The following KCNMA1 variants were observed in gnomAD, a reference collection of about 807,000 sequenced individuals.
The protein encoded by KCNMA1 is potassium calcium-activated channel subfamily M alpha 1.
KCNMA1 carries 29 observed loss-of-function variants against 140.0 expected under a neutral mutation model. That is an observed-to-expected ratio of 0.21 (90% CI 0.15 to 0.28). KCNMA1 has a LOEUF of 0.28. Ranked by LOEUF, KCNMA1 falls within the 10% of genes least tolerant of loss-of-function variation. The pLI is 1.00. For synonymous variants in KCNMA1, 612 were observed against 611.9 expected, an observed-to-expected ratio of 1.00 and a Z score of 0.00; for missense variants, 880 against 1,602.2, an observed-to-expected ratio of 0.55 and a Z score of 7.70.
chr10:77,335,654 G>A lies in KCNMA1; in HGVS notation c.540+68208C>T, dbSNP rs532571443. On this transcript the variant is annotated intron_variant, in intron 2 of 27. Transcript: ENST00000286628. ...GCAGAGTGGAGGAGAGGAAAGAGTG[G>A]CCAGTTGGCTATGATGCCATTAACC... 2.6e-5 allele frequency among the ~76,000 whole-genome samples: 4 copies of A among 151,946 alleles called. No homozygotes were observed. In the South Asian group the frequency reaches 8.3e-4, roughly 32 times the overall value.
At chr10:77,445,810 G>T (rs1279428366) in intron 1 of KCNMA1, among the ~76,000 whole-genome samples, 1 of 152,198 alleles carries the variant, frequency 6.6e-6, no homozygotes, top group Non-Finnish European at 1.5e-5. Flanking sequence ...GCAAACAGGC[G>T]ATGGGGCCGC....
At chr10:77,510,457 G>A (rs2047956158) in intron 1 of KCNMA1, among the ~76,000 whole-genome samples, 1 of 152,090 alleles carries the variant, frequency 6.6e-6, no homozygotes, top group Admixed American at 6.5e-5. Flanking sequence ...ATGGAGTGCA[G>A]GTTTCTCAAA....
intron 2 of KCNMA1, among the ~76,000 whole-genome samples, chr10:77,347,733 T>C (rs979296898): frequency 6.6e-6 from 1 of 152,160 alleles, no homozygotes; most frequent in African/African-American, 2.4e-5. Context: ...CCATGCTCTA[T>C]GACATGATAA....
intron 2 of KCNMA1, among the ~76,000 whole-genome samples, chr10:77,288,493 T>C (rs953999133): frequency 1.3e-5 from 2 of 152,224 alleles, no homozygotes; most frequent in African/African-American, 4.8e-5. Context: ...CAAAGGCTGG[T>C]ATCTGTCAGT....
At chr10:77,156,275 C>G (rs1415669689) in intron 5 of KCNMA1, among the ~76,000 whole-genome samples, 2 of 150,294 alleles carry the variant, frequency 1.3e-5, no homozygotes, top group Non-Finnish European at 3.0e-5. Context: ...AAACATGACT[C>G]TACCTTCATC....
At chr10:76,997,015 C>T (rs951817678) in intron 19 of KCNMA1, among the ~76,000 whole-genome samples, 1 of 152,126 alleles carries the variant, frequency 6.6e-6, no homozygotes, top group East Asian at 1.9e-4. Flanking sequence ...CTGTTTCCAC[C>T]CCCTGCCCTT....
intron 1 of KCNMA1, among the ~76,000 whole-genome samples, chr10:77,445,365 G>GAGACACAC (rs371623216): frequency 6.4e-5 from 9 of 141,174 alleles, no homozygotes; most frequent in African/African-American, 1.8e-4. Flanking sequence ...CACATACACA[G>GAGACACAC]ACACACACAC....
chr10:77,635,265 T>A (rs900316536), intron 1 of KCNMA1: 1 of 152,242 alleles, frequency 6.6e-6, no homozygotes, highest in African/African-American at 2.4e-5. Context: ...TGCAATTGCA[T>A]TTATGTACCC....
rs763229218 is a variant in KCNMA1, at chr10:77,029,308, G to A, written c.1860-1417C>T. On this transcript the variant is annotated intron_variant, in intron 15 of 27. Transcript: ENST00000286628. The stretch of plus-strand genomic sequence containing the variant: ...ATTTATTTAGCTCCAGCATTGTAAG[G>A]GGGATAAGATACTGGGTCACAGTGT... Among the ~76,000 whole-genome samples the A allele has an allele frequency of 2.0e-5, 3 of 152,166 alleles. No homozygotes were observed. The East Asian group carries it at 5.8e-4, about 29-fold the overall frequency.
chr10:76,969,668 T>C (rs1565265106), intron 20 of KCNMA1, among the ~76,000 whole-genome samples: 1 of 152,234 alleles, frequency 6.6e-6, no homozygotes, highest in Non-Finnish European at 1.5e-5. Flanking sequence ...TTAGTGCCAC[T>C]GCTGTTTAGG....
intron 19 of KCNMA1, chr10:76,974,584 A>G (rs1339447097): frequency 6.6e-7 from 1 of 1,517,772 alleles, no homozygotes; most frequent in Non-Finnish European, 8.9e-7. Flanking sequence ...CTGCCAAACA[A>G]TAAGGAGAAA....
chr10:77,022,672 C>T (rs1156336977), intron 16 of KCNMA1, among the ~76,000 whole-genome samples: 3 of 152,202 alleles, frequency 2.0e-5, no homozygotes, highest in Non-Finnish European at 2.9e-5. Context: ...TTGCACGCAA[C>T]AGGCACATTT....
chr10:77,423,388 G>A (rs979246810), intron 1 of KCNMA1, among the ~76,000 whole-genome samples: 2 of 152,228 alleles, frequency 1.3e-5, no homozygotes, highest in South Asian at 2.1e-4. Context: ...ACATAGAAAC[G>A]GCTAAGCAGT....
chr10:77,229,879 T>C (rs2169673), intron 3 of KCNMA1, among the ~76,000 whole-genome samples: 75,275 of 151,940 alleles, frequency 0.5, 19,113 homozygotes, highest in East Asian at 0.71. Flanking sequence ...TTGTGGAAAA[T>C]AGTTTAGTGA....
At chr10:77,422,558 T>A (rs1021848538) in intron 1 of KCNMA1, among the ~76,000 whole-genome samples, 2 of 152,202 alleles carry the variant, frequency 1.3e-5, no homozygotes, top group Non-Finnish European at 2.9e-5. Context: ...CTGTAATGGG[T>A]TGCAGTGTTT....
chr10:77,087,322 G>GAGAT (rs1006273737), intron 10 of KCNMA1, among the ~76,000 whole-genome samples: 23 of 152,182 alleles, frequency 1.5e-4, no homozygotes, highest in African/African-American at 3.4e-4. Context: ...AATCTCTCTA[G>GAGAT]AGATAGATAG....
intron 2 of KCNMA1, among the ~76,000 whole-genome samples, chr10:77,367,831 A>T (rs935778083): frequency 3.5e-4 from 53 of 152,210 alleles, no homozygotes; most frequent in Admixed American, 1.3e-4. Context: ...TGGCTTTTTT[A>T]ATTGAGCAAA....
chr10:77,501,387 C>T (rs2043825391), intron 1 of KCNMA1, among the ~76,000 whole-genome samples: 2 of 152,204 alleles, frequency 1.3e-5, no homozygotes. Flanking sequence ...GGGTGAACTC[C>T]TCTGCACCCA....
At chr10:77,128,598 T>A (rs1287927660) in intron 5 of KCNMA1, among the ~76,000 whole-genome samples, 1 of 152,044 alleles carries the variant, frequency 6.6e-6, no homozygotes, top group Non-Finnish European at 1.5e-5. Context: ...CCAGAGTGAT[T>A]CTAATGAGCC....
Sources: gnomAD v4.1 joint callset for allele counts (sites outside exome capture counted in the v4.1 genomes callset) on GRCh38, gnomAD v4.1.1 for gene constraint, MANE v1.5 for transcripts, NCBI Gene and HGNC (gene_info 2026-07-23, HGNC 2026-07-21) for gene names.